The following NHSL3 variants were observed in gnomAD, a reference collection of about 807,000 sequenced individuals.
NHSL3 encodes NHS like 3, also known as NHS-like protein 3.
chr1:32,757,999 G>C, the NHSL3 span, among the ~76,000 whole-genome samples: 3 of 152,208 alleles, frequency 2.0e-5, no homozygotes, highest in Admixed American at 6.5e-5. Flanking sequence ...AGCGCTTAGA[G>C]AGGAAGCAAG....
At chr1:32,741,978 C>G in the NHSL3 span, 1 of 1,163,104 alleles carries the variant, frequency 8.6e-7, no homozygotes. The surrounding 1 kb of genome is among the most constrained non-coding windows in gnomAD (Gnocchi z 4.3). Flanking sequence ...CGCCCCCCGC[C>G]GCACCTGCGG....
At chr1:32,772,478 G>A in the NHSL3 span, 587 of 1,506,350 alleles carry the variant, frequency 3.9e-4, no homozygotes, top group Non-Finnish European at 5.0e-4. Context: ...TCCCATTGCT[G>A]ATGATGGGAA....
At chr1:32,771,038 G>A in the NHSL3 span, 11 of 1,610,816 alleles carry the variant, frequency 6.8e-6, no homozygotes, top group East Asian at 4.5e-5. Flanking sequence ...ACGTCTCTTC[G>A]CTCCCCTGGG....
At chr1:32,771,824 CG>C in the NHSL3 span, 1 of 1,611,562 alleles carries the variant, frequency 6.2e-7, no homozygotes. Context: ...GTCACGCCCT[CG>C]CTCCTGCAGA....
the NHSL3 span, chr1:32,769,987 G>T: frequency 6.2e-7 from 1 of 1,606,272 alleles, no homozygotes. Context: ...CTCAGGGATG[G>T]GGGCCCGGGT....
At chr1:32,754,494 C>T in the NHSL3 span, among the ~76,000 whole-genome samples, 3 of 152,134 alleles carry the variant, frequency 2.0e-5, no homozygotes, top group Admixed American at 1.3e-4. Context: ...CGCACACAGC[C>T]TGAGACATAG....
chr1:32,748,995 C>T, the NHSL3 span, among the ~76,000 whole-genome samples: 1 of 152,160 alleles, frequency 6.6e-6, no homozygotes, highest in Non-Finnish European at 1.5e-5. Flanking sequence ...ATACCAGGCA[C>T]TATCCTCGGG....
the NHSL3 span, among the ~76,000 whole-genome samples, chr1:32,757,897 G>A: frequency 3.8e-3 from 586 of 152,280 alleles, 1 homozygote; most frequent in African/African-American, 0.013. Context: ...CTGCGGCCCC[G>A]GCCCCGGGGG....
the NHSL3 span, chr1:32,768,637 C>T: frequency 4.5e-5 from 73 of 1,613,840 alleles, no homozygotes; most frequent in South Asian, 7.6e-4. Context: ...CCCAGATCTC[C>T]TTCTACCCTG....
At chr1:32,753,645 C>T in the NHSL3 span, among the ~76,000 whole-genome samples, 1 of 152,246 alleles carries the variant, frequency 6.6e-6, no homozygotes, top group Admixed American at 6.5e-5. Context: ...ACAGTCAGTT[C>T]GATACATTTG....
the NHSL3 span, chr1:32,773,132 T>C: frequency 3.6e-6 from 2 of 561,396 alleles, no homozygotes; most frequent in East Asian, 2.9e-5. Context: ...GTCTTGGCCT[T>C]AGCCTCATCT....
At chr1:32,754,668 C>T in the NHSL3 span, among the ~76,000 whole-genome samples, 844 of 152,278 alleles carry the variant, frequency 5.5e-3, 35 homozygotes, top group Admixed American at 0.05. Context: ...AACTGCACAA[C>T]CAACCGGACT....
the NHSL3 span, chr1:32,773,221 C>CAG: frequency 4.1e-5 from 17 of 411,454 alleles, no homozygotes; most frequent in Non-Finnish European, 7.1e-5. Context: ...CAGGACACCT[C>CAG]ACCTGAGTTT....
At chr1:32,770,387 A>G in the NHSL3 span, 8 of 1,607,584 alleles carry the variant, frequency 5.0e-6, no homozygotes, top group South Asian at 7.7e-5. This position sits in a 1 kb window ranked among gnomAD's most constrained non-coding sequence, Gnocchi z 8.3. Flanking sequence ...TCCAGCCCAC[A>G]GCCCCGCAGC....
At chr1:32,765,666 G>A in the NHSL3 span, 1 of 1,535,220 alleles carries the variant, frequency 6.5e-7, no homozygotes, top group Non-Finnish European at 8.7e-7. Context: ...CGGGGCGGGA[G>A]GGCTCGCATC....
chr1:32,756,070 C>T, the NHSL3 span, among the ~76,000 whole-genome samples: 2 of 152,166 alleles, frequency 1.3e-5, no homozygotes, highest in Non-Finnish European at 2.9e-5. Flanking sequence ...TTGTGAGCTT[C>T]CAGTTCCTGC....
the NHSL3 span, chr1:32,767,962 G>T: frequency 6.2e-7 from 1 of 1,612,780 alleles, no homozygotes; most frequent in Non-Finnish European, 8.5e-7. Flanking sequence ...ACCAAGGTAA[G>T]CTTCCTCTCC....
At chr1:32,763,663 C>T in the NHSL3 span, among the ~76,000 whole-genome samples, 1 of 152,244 alleles carries the variant, frequency 6.6e-6, no homozygotes, top group Admixed American at 6.5e-5. Flanking sequence ...CCTCTGCCTC[C>T]CGGGTTCAAG....
the NHSL3 span, among the ~76,000 whole-genome samples, chr1:32,747,030 A>G: frequency 7.3e-3 from 1,114 of 152,224 alleles, 6 homozygotes; most frequent in Non-Finnish European, 0.011. Flanking sequence ...GGCCTCTCCA[A>G]GTTCCCTCTG....
Sources: gnomAD v4.1 joint callset for allele counts (sites outside exome capture counted in the v4.1 genomes callset) on GRCh38, gnomAD v4.1.1 for gene constraint, Gnocchi (gnomAD v3.1) non-coding constraint, MANE v1.5 for transcripts, NCBI Gene and HGNC (gene_info 2026-07-23, HGNC 2026-07-21) for gene names.